Variants in QTMAN observed in about 807,000 individuals in gnomAD.
QTMAN encodes the protein queuosine-tRNA mannosyltransferase.
the QTMAN span, among the ~76,000 whole-genome samples, chr2:144,233,476 T>C: frequency 6.6e-6 from 1 of 152,122 alleles, no homozygotes; most frequent in Non-Finnish European, 1.5e-5. Flanking sequence ...ATGGTGTAAG[T>C]GGGAAAGACT....
At chr2:144,220,805 T>C in the QTMAN span, among the ~76,000 whole-genome samples, 1 of 152,220 alleles carries the variant, frequency 6.6e-6, no homozygotes, top group Admixed American at 6.5e-5. Flanking sequence ...CTACTAAAAC[T>C]AGGCATATAA....
chr2:144,011,875 A>G, the QTMAN span: 1 of 259,814 alleles, frequency 3.8e-6, no homozygotes, highest in Non-Finnish European at 6.0e-6. Context: ...AAGGGTCAGA[A>G]GAAAAACAGT....
chr2:144,302,548 C>T, the QTMAN span, among the ~76,000 whole-genome samples: 6,726 of 152,188 alleles, frequency 0.044, 221 homozygotes, highest in South Asian at 0.11. Flanking sequence ...AAAAGCCACA[C>T]GGAAGATCAG....
At chr2:143,994,395 C>A in the QTMAN span, among the ~76,000 whole-genome samples, 3 of 152,144 alleles carry the variant, frequency 2.0e-5, no homozygotes, top group South Asian at 4.1e-4. Flanking sequence ...GGTATCTAAC[C>A]CCCCCAAAGT....
chr2:144,174,263 T>C, the QTMAN span, among the ~76,000 whole-genome samples: 1 of 152,152 alleles, frequency 6.6e-6, no homozygotes, highest in South Asian at 2.1e-4. Flanking sequence ...TCTCCGCAAA[T>C]CAAGAGGTCT....
the QTMAN span, among the ~76,000 whole-genome samples, chr2:144,227,002 T>C: frequency 6.6e-6 from 1 of 152,138 alleles, no homozygotes; most frequent in Non-Finnish European, 1.5e-5. Context: ...GACATGAAAT[T>C]CTATAGTACA....
the QTMAN span, among the ~76,000 whole-genome samples, chr2:144,044,559 A>T: frequency 6.6e-6 from 1 of 152,204 alleles, no homozygotes; most frequent in Non-Finnish European, 1.5e-5. Flanking sequence ...AATAGCACAC[A>T]ATTCATCAAA....
the QTMAN span, among the ~76,000 whole-genome samples, chr2:144,311,913 A>G: frequency 2.7e-3 from 404 of 152,342 alleles, no homozygotes; most frequent in African/African-American, 9.3e-3. Flanking sequence ...TACCTTACAT[A>G]TTCTGTTTAA....
the QTMAN span, chr2:143,950,935 T>C: frequency 6.6e-6 from 1 of 151,976 alleles, no homozygotes; most frequent in African/African-American, 2.4e-5. Flanking sequence ...TAATAGACAA[T>C]GAAAGATAAT....
At chr2:144,185,688 T>C in the QTMAN span, among the ~76,000 whole-genome samples, 1 of 152,156 alleles carries the variant, frequency 6.6e-6, no homozygotes, top group African/African-American at 2.4e-5. Flanking sequence ...GCAACAGGAC[T>C]TTCTGAGTGA....
chr2:144,152,611 T>C, the QTMAN span, among the ~76,000 whole-genome samples: 1 of 152,204 alleles, frequency 6.6e-6, no homozygotes, highest in Non-Finnish European at 1.5e-5. Flanking sequence ...CATGTATGTG[T>C]TTATTTCTTT....
chr2:144,014,066 A>G, the QTMAN span, among the ~76,000 whole-genome samples: 258 of 152,300 alleles, frequency 1.7e-3, 4 homozygotes, highest in African/African-American at 5.9e-3. Flanking sequence ...ACCCATCCCA[A>G]TTTAAAATGA....
the QTMAN span, among the ~76,000 whole-genome samples, chr2:143,949,996 T>C: frequency 6.6e-6 from 1 of 151,782 alleles, no homozygotes; most frequent in Non-Finnish European, 1.5e-5. Flanking sequence ...AATTTATTAA[T>C]TTTTGAAATT....
chr2:144,139,154 G>A, the QTMAN span, among the ~76,000 whole-genome samples: 1 of 151,904 alleles, frequency 6.6e-6, no homozygotes, highest in Non-Finnish European at 1.5e-5. Flanking sequence ...TAAGGCCAAA[G>A]GATTGTTTGA....
chr2:144,057,020 A>T, the QTMAN span, among the ~76,000 whole-genome samples: 1 of 152,204 alleles, frequency 6.6e-6, no homozygotes, highest in African/African-American at 2.4e-5. Context: ...CCAAAATTGC[A>T]CCTTTGTGTA....
the QTMAN span, among the ~76,000 whole-genome samples, chr2:144,091,856 A>C: frequency 1.3e-5 from 2 of 152,222 alleles, no homozygotes; most frequent in African/African-American, 2.4e-5. Context: ...CAATAAAAAA[A>C]AGAATGGACT....
chr2:144,154,705 C>A, the QTMAN span, among the ~76,000 whole-genome samples: 1 of 152,024 alleles, frequency 6.6e-6, no homozygotes, highest in Admixed American at 6.6e-5. Context: ...TGTGGTTCTC[C>A]AATATTTAAT....
chr2:143,994,910 G>T, the QTMAN span, among the ~76,000 whole-genome samples: 2 of 152,152 alleles, frequency 1.3e-5, no homozygotes, highest in South Asian at 4.1e-4. Context: ...CATTAAAGCT[G>T]TTTTTAAAAC....
the QTMAN span, among the ~76,000 whole-genome samples, chr2:144,179,668 G>A: frequency 6.6e-6 from 1 of 152,136 alleles, no homozygotes; most frequent in Non-Finnish European, 1.5e-5. Flanking sequence ...GATGCAAACA[G>A]AAAGGCCTAA....
Sources: gnomAD v4.1 joint callset for allele counts (sites outside exome capture counted in the v4.1 genomes callset) on GRCh38, gnomAD v4.1.1 for gene constraint, MANE v1.5 for transcripts, NCBI Gene and HGNC (gene_info 2026-07-23, HGNC 2026-07-21) for gene names.